Variants in SEL1L observed in about 807,000 individuals in gnomAD.
SEL1L encodes the protein SEL1L adaptor subunit of SYVN1 ubiquitin ligase, also known as protein sel-1 homolog 1.
Under a neutral mutation model 109.8 loss-of-function variants are expected in SEL1L, and 52 were observed. The ratio of observed to expected loss-of-function variants is 0.47; its 90% CI spans 0.38 to 0.60. The LOEUF (loss-of-function observed/expected upper bound fraction) is 0.60. Ranked by LOEUF, SEL1L falls within the 20% of genes least tolerant of loss-of-function variation. SEL1L has a pLI of 0.00. For synonymous variants in SEL1L, 373 were observed against 339.6 expected (o/e 1.10, Z -1.08); for missense variants, 749 against 962.2 (o/e 0.78, Z 2.93).
At chr14:81,525,802 T>C (rs1279764346) in intron 3 of SEL1L, among the ~76,000 whole-genome samples, 2 of 152,268 alleles carry the variant, frequency 1.3e-5, no homozygotes, top group East Asian at 1.9e-4. Context: ...AAAACATTCA[T>C]GGTAAACTGT....
chr14:81,518,659 TAAAA>T (rs35790401), intron 3 of SEL1L, among the ~76,000 whole-genome samples: 1 of 84,486 alleles, frequency 1.2e-5, no homozygotes, highest in Non-Finnish European at 2.4e-5. Context: ...AGACTTCGTC[TAAAA>T]AAAAAAAAAA....
chr14:81,489,736 T>C (rs566300414), intron 13 of SEL1L, among the ~76,000 whole-genome samples: 5 of 152,274 alleles, frequency 3.3e-5, no homozygotes, highest in Admixed American at 2.6e-4. Flanking sequence ...CATGTAATAA[T>C]AGCAATGCTG....
In SEL1L at chr14:81,492,086, G is replaced by A. The variant is rs190941801; in HGVS notation, c.1254+394C>T. On this transcript the variant is annotated intron_variant, in intron 12 of 20. Transcript: ENST00000336735. ...CGCCCAGGCTGGAGTGCAGTGGCGTGGTCTCGACTTACTGTAAGCCTCAGC... is the reference window on the plus strand; with the variant it reads ...CGCCCAGGCTGGAGTGCAGTGGCGTAGTCTCGACTTACTGTAAGCCTCAGC... Among the ~76,000 whole-genome samples, 467 of 151,866 alleles carry A rather than the reference G, an allele frequency of 3.1e-3. 2 individuals are homozygous for A. The Middle Eastern group carries it at 0.037, about 12-fold the overall frequency.
chr14:81,521,754 T>C (rs1345527448), intron 3 of SEL1L, among the ~76,000 whole-genome samples: 1 of 152,214 alleles, frequency 6.6e-6, no homozygotes, highest in African/African-American at 2.4e-5. Context: ...ACATATTTAC[T>C]ATACTTTTCA....
rs770758450 is a variant in SEL1L at position 81,477,008 on chromosome 14, C to G, written c.2349G>C (p.Gln783His). 1 of 1,614,162 alleles carries G rather than the reference C, an allele frequency of 6.2e-7. No homozygotes were observed. Among genetic ancestry groups the G allele is most frequent in the South Asian group, 1.1e-5 (1 of 91,078 alleles). The change falls in exon 21 of 21, where the codon CAG (glutamine) becomes CAC (histidine). Residue 783 changes from glutamine (Q) to histidine (H), a missense_variant. Physicochemically the swap from Gln to His is conservative, Grantham distance 24 (BLOSUM62 0). Transcript: ENST00000336735. ...GCTGCTGCTCTGGTGGCCCCTCCTG[C>G]TGGGGTGGAGCTGGCCGTGGCCCTG... ...RPPGPRPAPP[Q>H]QEGPPEQQPP...
At chr14:81,518,934 C>G (rs1884809444) in intron 3 of SEL1L, among the ~76,000 whole-genome samples, 1 of 152,150 alleles carries the variant, frequency 6.6e-6, no homozygotes, top group African/African-American at 2.4e-5. Flanking sequence ...ATAAACTTCT[C>G]TCTTTGAGAA....
At chr14:81,493,491 C>T (rs1055735821) in intron 11 of SEL1L, among the ~76,000 whole-genome samples, 1 of 150,566 alleles carries the variant, frequency 6.6e-6, no homozygotes, top group Admixed American at 6.7e-5. Flanking sequence ...GCTTGGGTAA[C>T]AGAGTGAACC....
Position 81,492,537 on chromosome 14 carries a change from G to A in SEL1L, c.1197C>T (p.Asp399=). Residue 399 remains aspartate (D), a synonymous_variant, in exon 12 of 21, where the codon GAC becomes GAT. Transcript: ENST00000336735. ...CAGCATTTGCTGCTAAATTGAAGTA[G>A]TCAAATGCTCTCTATGAGAAAAGAA... ...GVEQNHQRAF[D]YFNLAANAGN... 1 of 1,608,864 alleles carries A rather than the reference G, an allele frequency of 6.2e-7. No homozygotes were observed. The highest frequency in any genetic ancestry group is 8.5e-7 in the Non-Finnish European group (1 of 1,176,166).
chr14:81,486,483 G>A (rs1237776050), intron 16 of SEL1L, 29 bp from the exon 17 acceptor site: 2 of 1,605,724 alleles, frequency 1.2e-6, no homozygotes, highest in Non-Finnish European at 1.7e-6. Flanking sequence ...AAAAATATCA[G>A]TAGAAGAAAA....
In SEL1L at chr14:81,486,002, A is replaced by G. The variant is rs146792188; in HGVS notation, c.1799-256T>C. 4.5e-4 allele frequency among the ~76,000 whole-genome samples: 69 copies of G among 152,358 alleles called. No homozygotes were observed. The East Asian group carries it at 0.013, about 29-fold the overall frequency. ...CATGAGACTACTGAGTCACTCTTCT[A>G]CAGTGTTGGGAAAATGGCATTTTTG... On this transcript the variant is annotated intron_variant, in intron 17 of 20. Coordinates refer to ENST00000336735, the MANE Select transcript of SEL1L (RefSeq NM_005065.6).
rs372756475 is a variant in SEL1L at position 81,486,493 on chromosome 14, A to G, written c.1633-39T>C. ...GGAAAAAAAATATCAGTAGAAGAAA[A>G]TAAGAAAGATATACCAGAAAATCAC... On this transcript the variant is annotated intron_variant, in intron 16 of 20. Transcript: ENST00000336735. 8.1e-4 allele frequency: 1,296 copies of G among 1,598,248 alleles called. 4 individuals are homozygous for G. The highest frequency in any genetic ancestry group is 2.6e-3 in the South Asian group (231 of 89,836).
rs149007365 is a variant in SEL1L, at chr14:81,527,812, G to A, written c.71-74C>T. On this transcript the variant is annotated intron_variant, in intron 1 of 20. Transcript: ENST00000336735. ...TAGTTATTATTAAAAGAAAACATGTGAAAAGTATAGCAAATAATAATCAAA... is the reference window on the plus strand; with the variant it reads ...TAGTTATTATTAAAAGAAAACATGTAAAAAGTATAGCAAATAATAATCAAA... 2.7e-3 allele frequency: 2,618 copies of A among 958,468 alleles called. 7 individuals carry two copies. Among genetic ancestry groups the A allele is most frequent in the Non-Finnish European group, 3.7e-3 (2,268 of 611,872 alleles). 59.4% of individuals were successfully genotyped at this position (958,468 alleles called of 1,614,324 possible). A position where few individuals can be genotyped will look rare whatever the true frequency, so the allele number is the denominator to read the frequency against.
intron 1 of SEL1L, among the ~76,000 whole-genome samples, 189 bp from the exon 2 acceptor site, chr14:81,527,927 G>A (rs929303605): frequency 6.6e-6 from 1 of 152,046 alleles, no homozygotes; most frequent in African/African-American, 2.4e-5. Flanking sequence ...AAAAAAATGG[G>A]TTGGGGGTTT....
chr14:81,490,884 A>G (rs1364386374), intron 12 of SEL1L, among the ~76,000 whole-genome samples: 1 of 152,242 alleles, frequency 6.6e-6, no homozygotes, highest in Non-Finnish European at 1.5e-5. Flanking sequence ...CTGGGCCACA[A>G]AGCAAGACCT....
In SEL1L at chr14:81,499,646, T is replaced by A; in HGVS notation, c.794A>T (p.Tyr265Phe). ...TGAATTAACACCAAGTCCAGAGGCA[T>A]ACAGAAAGCCAAGAGCCTGAAATAG... ...PKGQTALGFLYASGLGVNSSQ... is the reference protein window; with the variant it reads ...PKGQTALGFLFASGLGVNSSQ... Residue 265 changes from tyrosine (Y) to phenylalanine (F), a missense_variant, in exon 7 of 21, where the codon TAT becomes TTT. Physicochemically the swap from Tyr to Phe is conservative, Grantham distance 22. This residue lies in a region of SEL1L where 366 missense variants were observed against 399.8 expected (regional missense o/e 0.92). Coordinates refer to ENST00000336735, the MANE Select transcript of SEL1L (RefSeq NM_005065.6). 2 of 1,608,222 alleles carry A rather than the reference T, an allele frequency of 1.2e-6. No homozygotes were observed. Among genetic ancestry groups the A allele is most frequent in the South Asian group, 2.2e-5 (2 of 89,680 alleles).
rs1213216304 is a variant in SEL1L, at chr14:81,489,312, G to T, written c.1335C>A (p.Gly445=). 1.9e-6 allele frequency: 3 copies of T among 1,613,586 alleles called. No individual in the cohort carries two copies. The highest frequency in any genetic ancestry group is 8.5e-7 in the Non-Finnish European group (1 of 1,179,678). ...LHYFKKAADM[G]NPVGQSGLGM... ...CAAGCCCACTCTGTCCAACTGGGTT[G>T]CCCTGCAAAGCAGAGAAATCAGACA... The change falls in exon 14 of 21, where the codon GGC becomes GGA. Residue 445 remains glycine, a splice_region_variant and synonymous_variant. Transcript: ENST00000336735.
intron 3 of SEL1L, among the ~76,000 whole-genome samples, chr14:81,516,651 C>T (rs1015943757): frequency 6.6e-6 from 1 of 152,222 alleles, no homozygotes; most frequent in Non-Finnish European, 1.5e-5. Context: ...ACACGCAATA[C>T]TACCCATTTT....
intron 19 of SEL1L, among the ~76,000 whole-genome samples, chr14:81,480,251 C>T (rs1343265977): frequency 2.0e-5 from 3 of 151,956 alleles, no homozygotes; most frequent in African/African-American, 4.8e-5. Flanking sequence ...TGCAGTGGCG[C>T]GATCTCGGCT....
rs1278562207 is a variant in SEL1L, at chr14:81,510,474, C to CTT, written c.341-4234_341-4233insAA. Among the ~76,000 whole-genome samples, 402 of 76,726 alleles carry CTT rather than the reference C, an allele frequency of 5.2e-3. 3 individuals carry two copies. Among genetic ancestry groups the CTT allele is most frequent in the African/African-American group, 0.035 (374 of 10,584 alleles). The allele number at this position is 76,726 out of a possible 152,430, so 50.3% of individuals were successfully genotyped here. ...AGGTAAACATAGCTAGAATGCTGAT[C>CTT]TCTCTCTCTCTCTCTCTCTCTCTCT... is the stretch of plus-strand genomic sequence containing the variant. On this transcript the variant is annotated intron_variant, in intron 3 of 20. Coordinates refer to ENST00000336735, the MANE Select transcript of SEL1L (RefSeq NM_005065.6).
Sources: gnomAD v4.1 joint callset for allele counts (sites outside exome capture counted in the v4.1 genomes callset) on GRCh38, gnomAD v4.1.1 for gene constraint, gnomAD v4.1.1 regional missense constraint, MANE v1.5 for transcripts, NCBI Gene and HGNC (gene_info 2026-07-23, HGNC 2026-07-21) for gene names.